Variants in ZNF429 observed in about 807,000 individuals in gnomAD.
The protein encoded by ZNF429 is zinc finger protein 429.
In ZNF429, 53 loss-of-function variants were observed where a neutral mutation model predicts 56.8. The ratio of observed to expected loss-of-function variants is 0.93; its 90% confidence interval spans 0.75 to 1.17. The LOEUF (loss-of-function observed/expected upper bound fraction) is 1.17. Ranked by LOEUF, ZNF429 falls within the 50% of genes most tolerant of loss-of-function variation. The pLI is 0.00. For synonymous variants in ZNF429, 278 were observed against 264.7 expected (o/e 1.05, Z -0.49); for missense variants, 849 against 788.4 (o/e 1.08, Z -0.92).
intron 1 of ZNF429, among the ~76,000 whole-genome samples, chr19:21,510,035 A>C (rs1217017725): frequency 6.6e-6 from 1 of 152,020 alleles, no homozygotes; most frequent in Non-Finnish European, 1.5e-5. Flanking sequence ...CAGCCTCCCA[A>C]GTAGCTGGGA....
chr19:21,527,951 C>A (rs565885489), intron 1 of ZNF429, among the ~76,000 whole-genome samples: 1 of 152,228 alleles, frequency 6.6e-6, no homozygotes, highest in South Asian at 2.1e-4. Context: ...TACTTGCAAG[C>A]CTTTACTTCT....
At chr19:21,520,197 TG>T (rs2032940487) in intron 1 of ZNF429, among the ~76,000 whole-genome samples, 1 of 152,154 alleles carries the variant, frequency 6.6e-6, no homozygotes, top group Non-Finnish European at 1.5e-5. Context: ...TTTTCTCTTC[TG>T]CTTTTTCCTT....
chr19:21,511,302 C>T (rs1046084497), intron 1 of ZNF429, among the ~76,000 whole-genome samples: 3 of 152,020 alleles, frequency 2.0e-5, no homozygotes, highest in South Asian at 2.1e-4. Flanking sequence ...CGGGCGGAGA[C>T]GCTCCTCACT....
chr19:21,508,577 G>A (rs1454087637), intron 1 of ZNF429, among the ~76,000 whole-genome samples: 1 of 151,932 alleles, frequency 6.6e-6, no homozygotes, highest in Non-Finnish European at 1.5e-5. Flanking sequence ...AGCTTGAAAG[G>A]TAAGAAAATA....
intron 1 of ZNF429, chr19:21,518,777 C>T (rs1431285932): frequency 6.7e-6 from 1 of 148,522 alleles, no homozygotes; most frequent in Non-Finnish European, 1.5e-5. Context: ...CCAGGATAGT[C>T]TCGATCTCCT....
Position 21,519,360 on chromosome 19 carries a change from T to C in ZNF429, c.4-10298T>C, listed in dbSNP as rs546909488. ...CCTGTTTTTCATTTAAGCAGCACAT[T>C]GAAGGTCATGAGATGCCTGAGCAGG... On this transcript the variant is annotated intron_variant, in intron 1 of 3. Transcript: ENST00000358491. Among the ~76,000 whole-genome samples the C allele has an allele frequency of 5.5e-4, 83 of 152,272 alleles. 1 individual carries two copies. In the South Asian group the frequency reaches 0.017, roughly 31 times the overall value.
At chr19:21,530,561 T>G in intron 2 of ZNF429, 28 bp from the exon 3 acceptor site, 1 of 1,527,764 alleles carries the variant, frequency 6.5e-7, no homozygotes, top group Non-Finnish European at 8.9e-7. Context: ...ATAAGCAAGA[T>G]TCATCTTCTT....
intron 3 of ZNF429, among the ~76,000 whole-genome samples, chr19:21,531,758 C>T: frequency 6.6e-6 from 1 of 150,818 alleles, no homozygotes; most frequent in Non-Finnish European, 1.5e-5. Flanking sequence ...GTGAGCCAAG[C>T]TCATGCCACT....
intron 1 of ZNF429, among the ~76,000 whole-genome samples, chr19:21,516,629 T>A (rs2032755777): frequency 6.6e-6 from 1 of 152,320 alleles, no homozygotes; most frequent in East Asian, 1.9e-4. Flanking sequence ...AAGAAGTGTT[T>A]TGTAGTTCTT....
At chr19:21,527,509 A>G (rs940828718) in intron 1 of ZNF429, among the ~76,000 whole-genome samples, 8 of 152,168 alleles carry the variant, frequency 5.3e-5, no homozygotes, top group Admixed American at 3.3e-4. Context: ...TTTGCACTAA[A>G]GGGTGGTTAC....
intron 1 of ZNF429, among the ~76,000 whole-genome samples, chr19:21,517,398 CT>C (rs1025972469): frequency 9.2e-5 from 13 of 141,012 alleles, no homozygotes; most frequent in South Asian, 2.2e-4. Flanking sequence ...CCTGAGTTTT[CT>C]TTTTTTTGTT....
At position 21,530,588 on chromosome 19, in the gene ZNF429, G is replaced by C. The variant is rs762826696; in HGVS notation, c.131-1G>C. The C allele has an allele frequency of 3.8e-6, 6 of 1,591,118 alleles. No individual in the cohort carries two copies. The highest frequency in any genetic ancestry group is 4.3e-6 in the Non-Finnish European group (5 of 1,169,804). ...CATCTTCTTTATTTTTAATAAAACA[G>C]GTATTGCTGTTTCTAAGCCAGACCT... On this transcript the variant is annotated splice_acceptor_variant, in intron 2 of 3. Transcript: ENST00000358491. LOFTEE classifies it high-confidence loss of function.
At position 21,539,646 on chromosome 19, in the gene ZNF429, G is replaced by A. The variant is rs1033458864; in HGVS notation, c.*1568G>A. On this transcript the variant is annotated 3_prime_UTR_variant, in exon 4 of 4. Coordinates refer to ENST00000358491, the MANE Select transcript of ZNF429 (RefSeq NM_001001415.4). ...AGATTTCACCATTTTGTCCAGGGTG[G>A]TCTCAAACTCTTCATCTCAAGTGAT... 6.6e-6 allele frequency among the ~76,000 whole-genome samples: 1 copy of A among 151,124 alleles called. No individual in the cohort carries two copies. The highest frequency in any genetic ancestry group is 1.5e-5 in the Non-Finnish European group (1 of 67,934).
intron 1 of ZNF429, chr19:21,521,967 T>G (rs1373214306): frequency 1.3e-5 from 2 of 152,356 alleles, no homozygotes; most frequent in Non-Finnish European, 2.9e-5. Context: ...TGATGTGAGC[T>G]GCCAGCTGTG....
In ZNF429 at chr19:21,537,650, G is replaced by T. The variant is rs878872120; in HGVS notation, c.1597G>T (p.Gly533Ter). Residue 533 changes from glycine (G) to a stop codon, truncating the protein, a stop_gained, in exon 4 of 4, where the codon GGA (glycine) becomes TGA (stop). Transcript: ENST00000358491. LOFTEE classifies it high-confidence loss of function. ...TACTCAACATAAGAAAATTCATACT[G>T]GAGAGAAACCTTACAAATGTGAAGA... ...RLTQHKKIHT[G>*]EKPYKCEECG... is the part of the protein sequence containing the mutation. 6.2e-7 allele frequency: 1 copy of T among 1,608,736 alleles called. No homozygotes were observed. The highest frequency in any genetic ancestry group is 1.1e-5 in the South Asian group (1 of 90,816).
At chr19:21,531,131 C>CAAAAA in intron 3 of ZNF429, among the ~76,000 whole-genome samples, 4 of 44,774 alleles carry the variant, frequency 8.9e-5, no homozygotes, top group African/African-American at 1.1e-4. Context: ...AAAAAAAAAC[C>CAAAAA]AAAAAAAAAA....
At chr19:21,512,798 T>A (rs1228656329) in intron 1 of ZNF429, among the ~76,000 whole-genome samples, 1 of 152,128 alleles carries the variant, frequency 6.6e-6, no homozygotes, top group East Asian at 1.9e-4. Flanking sequence ...CTACCATTTT[T>A]ATGAGAGCAA....
intron 3 of ZNF429, among the ~76,000 whole-genome samples, chr19:21,534,458 C>G: frequency 9.5e-6 from 1 of 104,788 alleles, no homozygotes; most frequent in Non-Finnish European, 2.2e-5. Context: ...TCAACGCAGC[C>G]TCAACCTCCT....
At chr19:21,528,160 T>C (rs574042098) in intron 1 of ZNF429, among the ~76,000 whole-genome samples, 1 of 152,284 alleles carries the variant, frequency 6.6e-6, no homozygotes, top group East Asian at 1.9e-4. Context: ...CTTGTGGCTG[T>C]GAAACAGGAG....
Sources: allele counts gnomAD v4.1 joint callset (sites outside exome capture counted in the v4.1 genomes callset), GRCh38; gene constraint gnomAD v4.1.1; transcripts MANE v1.5; gene names NCBI Gene and HGNC (gene_info 2026-07-23, HGNC 2026-07-21).